The following RPRD2 variants were observed in gnomAD, a reference collection of about 807,000 sequenced individuals.
RPRD2 encodes regulation of nuclear pre-mRNA domain-containing protein 2.
In RPRD2, 12 loss-of-function variants were observed where a neutral mutation model predicts 104.4. That is an observed-to-expected ratio of 0.11 (90% CI 0.07 to 0.19). RPRD2 has a LOEUF of 0.19. Ranked by LOEUF, RPRD2 falls within the 10% of genes least tolerant of loss-of-function variation. The probability of loss-of-function intolerance (pLI) is 1.00; values close to 1 mark genes in which losing one functional copy is unlikely to be tolerated. For missense variants in RPRD2, 1,543 were observed against 1,790.1 expected, an observed-to-expected ratio of 0.86 and a Z score of 2.49; for synonymous variants, 714 against 684.9, an observed-to-expected ratio of 1.04 and a Z score of -0.66.
chr1:150,448,229 G>A (rs188848199), intron 7 of RPRD2, among the ~76,000 whole-genome samples: 37 of 151,986 alleles, frequency 2.4e-4, no homozygotes, highest in Non-Finnish European at 4.7e-4. Context: ...GTGCAGTGGC[G>A]CACTCTTGGC....
At chr1:150,394,904 TA>T (rs1275251861) in intron 1 of RPRD2, among the ~76,000 whole-genome samples, 1 of 152,132 alleles carries the variant, frequency 6.6e-6, no homozygotes, top group African/African-American at 2.4e-5. Context: ...CTGCATAGGA[TA>T]AAGGCAAATA....
intron 1 of RPRD2, among the ~76,000 whole-genome samples, chr1:150,374,453 G>GA (rs1265081509): frequency 1.3e-5 from 2 of 152,166 alleles, no homozygotes; most frequent in Non-Finnish European, 2.9e-5. Flanking sequence ...TGGAACCCAA[G>GA]AAGGGGGTTG....
chr1:150,449,611 G>T (rs1553896181), intron 7 of RPRD2, among the ~76,000 whole-genome samples: 1 of 150,550 alleles, frequency 6.6e-6, no homozygotes, highest in African/African-American at 2.5e-5. Context: ...CCATCTCCCA[G>T]ATTTCACCTT....
At chr1:150,371,719 G>A (rs781899948) in intron 1 of RPRD2, among the ~76,000 whole-genome samples, 3 of 152,180 alleles carry the variant, frequency 2.0e-5, no homozygotes, top group Non-Finnish European at 4.4e-5. Context: ...AATAGGTGGT[G>A]GAGATGGAGA....
chr1:150,424,348 G>A (rs1467635767), intron 2 of RPRD2, among the ~76,000 whole-genome samples: 1 of 150,892 alleles, frequency 6.6e-6, no homozygotes, highest in African/African-American at 2.4e-5. Flanking sequence ...GGAGTGCAGC[G>A]GCACGATCTC....
chr1:150,441,095 G>T lies in RPRD2; in HGVS notation c.436+72G>T, dbSNP rs782326183. Reference sequence around the variant, plus strand: ...TACAATTACATAATTTTATAGATCTGGTCATGTTGTATAATAGTGAAAAAT... The same window carrying T: ...TACAATTACATAATTTTATAGATCTTGTCATGTTGTATAATAGTGAAAAAT... On this transcript the variant is annotated intron_variant, in intron 3 of 10. Transcript: ENST00000369068. 5.5e-6 allele frequency: 4 copies of T among 729,270 alleles called. No homozygotes were observed. The South Asian group carries it at 7.1e-5, about 13-fold the overall frequency. 45.2% of individuals were successfully genotyped at this position (729,270 alleles called of 1,614,324 possible).
intron 1 of RPRD2, among the ~76,000 whole-genome samples, chr1:150,403,940 T>C (rs781852040): frequency 6.6e-6 from 1 of 152,034 alleles, no homozygotes; most frequent in Non-Finnish European, 1.5e-5. Context: ...CCTGGCCTCT[T>C]TTACCCAATG....
chr1:150,417,878 T>C (rs1664465331), intron 2 of RPRD2, among the ~76,000 whole-genome samples, 153 bp downstream of exon 2: 1 of 151,984 alleles, frequency 6.6e-6, no homozygotes. Flanking sequence ...TTAACACACG[T>C]TTTTCTTTCT....
intron 1 of RPRD2, among the ~76,000 whole-genome samples, chr1:150,408,443 C>T (rs981114786): frequency 3.9e-5 from 6 of 152,014 alleles, no homozygotes; most frequent in Admixed American, 6.6e-5. Context: ...CATGAGCCAC[C>T]GCGCCTGGCC....
intron 1 of RPRD2, among the ~76,000 whole-genome samples, chr1:150,384,450 CATT>C (rs60436957): frequency 0.037 from 4,836 of 132,136 alleles, 100 homozygotes; most frequent in Middle Eastern, 0.069. Flanking sequence ...GCATCATCAT[CATT>C]ATTATTATTA....
chr1:150,419,153 C>A (rs587668043), intron 2 of RPRD2, among the ~76,000 whole-genome samples: 296 of 152,130 alleles, frequency 1.9e-3, no homozygotes, highest in Non-Finnish European at 3.2e-3. Context: ...TTATTTTTGC[C>A]CTGTATTAAT....
intron 7 of RPRD2, among the ~76,000 whole-genome samples, chr1:150,453,663 G>A (rs1342714396): frequency 1.3e-5 from 2 of 152,200 alleles, no homozygotes; most frequent in Non-Finnish European, 2.9e-5. Flanking sequence ...TGTTAGTGGT[G>A]TTTGGTGTTT....
intron 10 of RPRD2, among the ~76,000 whole-genome samples, chr1:150,469,180 GTATTTTCT>G (rs1668459995): frequency 6.6e-6 from 1 of 152,100 alleles, no homozygotes; most frequent in African/African-American, 2.4e-5. Flanking sequence ...ATCACATGAA[GTATTTTCT>G]TTAATCATAT....
intron 1 of RPRD2, among the ~76,000 whole-genome samples, chr1:150,389,810 C>CTG (rs1285333185): frequency 6.6e-6 from 1 of 152,144 alleles, no homozygotes; most frequent in Non-Finnish European, 1.5e-5. Flanking sequence ...TCTGTTCATT[C>CTG]ACAGAAGTAA....
At chr1:150,428,597 A>T (rs1185259446) in intron 2 of RPRD2, among the ~76,000 whole-genome samples, 4 of 151,948 alleles carry the variant, frequency 2.6e-5, no homozygotes, top group African/African-American at 7.3e-5. Context: ...CTCATGCGTC[A>T]GCCTCCCAAG....
At chr1:150,376,249 T>G (rs1238232293) in intron 1 of RPRD2, among the ~76,000 whole-genome samples, 2 of 152,308 alleles carry the variant, frequency 1.3e-5, no homozygotes, top group Admixed American at 1.3e-4. Context: ...TCATCTCTCT[T>G]TCTTCACTTC....
In RPRD2 at chr1:150,475,653, A is replaced by G. The variant is rs1161191800; in HGVS notation, c.*2319A>G. 6.6e-6 allele frequency: 1 copy of G among 152,630 alleles called. No homozygotes were observed. Among genetic ancestry groups the G allele is most frequent in the African/African-American group, 2.4e-5 (1 of 41,446 alleles). The allele number at this position is 152,630 out of a possible 1,614,324, so 9.5% of individuals were successfully genotyped here. ...AAGTGAGGATTTGTATGAGACTGTC[A>G]GCTATTAATTTTAAGGAAATCTTAA... On this transcript the variant is annotated 3_prime_UTR_variant, in exon 11 of 11. Transcript: ENST00000369068.
At chr1:150,417,274 G>A (rs1553888757) in intron 1 of RPRD2, among the ~76,000 whole-genome samples, 2 of 151,922 alleles carry the variant, frequency 1.3e-5, no homozygotes, top group African/African-American at 4.8e-5. Flanking sequence ...CATCTACAAA[G>A]TGAGGGAGAA....
At chr1:150,464,365 T>G (rs1302209933) in intron 9 of RPRD2, among the ~76,000 whole-genome samples, 162 bp from the exon 10 acceptor site, 2 of 127,936 alleles carry the variant, frequency 1.6e-5, no homozygotes, top group Non-Finnish European at 3.1e-5. Context: ...TTTCAGGGTT[T>G]TTTTTTTTTT....
Sources: gnomAD v4.1 joint callset for allele counts (sites outside exome capture counted in the v4.1 genomes callset) on GRCh38, gnomAD v4.1.1 for gene constraint, MANE v1.5 for transcripts, NCBI Gene and HGNC (gene_info 2026-07-23, HGNC 2026-07-21) for gene names.